The following SEPTIN2 variants were observed in gnomAD, a reference collection of about 807,000 sequenced individuals.
SEPTIN2 encodes septin 2.
Under a neutral mutation model 46.5 loss-of-function variants are expected in SEPTIN2, and 34 were observed. The observed-to-expected ratio is 0.73, with a 90% CI of 0.56 to 0.97. The LOEUF is 0.97. Ranked by LOEUF, SEPTIN2 falls within the 50% of genes least tolerant of loss-of-function variation. The probability of loss-of-function intolerance (pLI) is 0.00; values close to 1 mark genes in which losing one functional copy is unlikely to be tolerated. For missense variants in SEPTIN2, 347 were observed against 448.4 expected (o/e 0.77, Z 2.04); for synonymous variants, 175 against 153.4 (o/e 1.14, Z -1.04).
At chr2:241,316,621 A>T in intron 1 of SEPTIN2, 1 of 1,215,336 alleles carries the variant, frequency 8.2e-7, no homozygotes, top group South Asian at 1.6e-5. Context: ...GGGGATGAGG[A>T]GCAAACCTGT....
Position 241,337,487 on chromosome 2 carries a change from C to T in SEPTIN2, c.447C>T (p.Cys149=). Residue 149 remains cysteine (C), a synonymous_variant, in exon 6 of 13, where the codon TGC becomes TGT. Transcript: ENST00000391971. The stretch of plus-strand genomic sequence containing the variant: ...TCATTGATAATAGGGTGCATTGTTG[C>T]TTTTACTTTATTTCACCTTTTGGAC... ...RHIIDNRVHC[C]FYFISPFGHG... 1 of 1,613,872 alleles carries T rather than the reference C, an allele frequency of 6.2e-7. No homozygotes were observed. Among genetic ancestry groups the T allele is most frequent in the Non-Finnish European group, 8.5e-7 (1 of 1,179,960 alleles).
chr2:241,322,083 T>A (rs2077209069), intron 1 of SEPTIN2, among the ~76,000 whole-genome samples: 1 of 152,162 alleles, frequency 6.6e-6, no homozygotes, highest in African/African-American at 2.4e-5. Context: ...CCAAAGTAGC[T>A]GGGAACATTT....
At chr2:241,340,872 C>A (rs919517924) in intron 7 of SEPTIN2, among the ~76,000 whole-genome samples, 10 of 152,174 alleles carry the variant, frequency 6.6e-5, no homozygotes, top group African/African-American at 2.4e-4. Flanking sequence ...TAGCTTCTTG[C>A]CTTCACCAGC....
At position 241,353,445 on chromosome 2, in the gene SEPTIN2, T is replaced by G. The variant is rs1164729005; in HGVS notation, c.*1508T>G. 1.3e-5 allele frequency: 2 copies of G among 152,014 alleles called. No individual in the cohort carries two copies. The highest frequency in any genetic ancestry group is 4.8e-5 in the African/African-American group (2 of 41,344). 9.4% of individuals were successfully genotyped at this position (152,014 alleles called of 1,614,324 possible). On this transcript the variant is annotated 3_prime_UTR_variant, in exon 13 of 13. Coordinates refer to ENST00000391971, the MANE Select transcript of SEPTIN2 (RefSeq NM_004404.5). ...AGGGAGATGGAGAAAATGCTTAATC[T>G]GAGGATGAGACAGGGTTTTTTCATT...
At chr2:241,316,137 C>CG in intron 1 of SEPTIN2, 155 bp downstream of exon 1, 1 of 197,870 alleles carries the variant, frequency 5.1e-6, no homozygotes, top group Non-Finnish European at 1.0e-5. Context: ...CGAGCCCAGG[C>CG]TCTTCGGCAC....
In SEPTIN2 at chr2:241,352,353, G is replaced by A. The variant is rs1332382502; in HGVS notation, c.*416G>A. On this transcript the variant is annotated 3_prime_UTR_variant, in exon 13 of 13. Transcript: ENST00000391971. ...ACCATAATGTTCCTTAGTGGTAGAG[G>A]TGTGTGCCTAGTGATGTAGAAAGAT... The A allele has an allele frequency of 6.6e-6, 1 of 152,574 alleles. No individual in the cohort carries two copies. Among genetic ancestry groups the A allele is most frequent in the Admixed American group, 6.5e-5 (1 of 15,280 alleles). 9.5% of individuals were successfully genotyped at this position (152,574 alleles called of 1,614,324 possible). A position where few individuals can be genotyped will look rare whatever the true frequency, so the allele number is the denominator to read the frequency against.
At chr2:241,338,860 A>T (rs2080738202) in intron 7 of SEPTIN2, among the ~76,000 whole-genome samples, 1 of 90,232 alleles carries the variant, frequency 1.1e-5, no homozygotes, top group African/African-American at 5.3e-5. Flanking sequence ...ATATATATAA[A>T]AATATATATA....
At chr2:241,327,002 C>T (rs116733505) in intron 3 of SEPTIN2, among the ~76,000 whole-genome samples, 213 of 129,712 alleles carry the variant, frequency 1.6e-3, no homozygotes, top group African/African-American at 6.2e-3. Flanking sequence ...AAGCTGAGAT[C>T]ATGCCACTGC....
At chr2:241,317,732 T>C (rs1365357097) in intron 1 of SEPTIN2, 2 of 174,508 alleles carry the variant, frequency 1.1e-5, no homozygotes, top group East Asian at 3.8e-4. Context: ...CCAGATGCTT[T>C]GAATAAGATC....
intron 5 of SEPTIN2, 159 bp downstream of exon 5, chr2:241,336,257 GA>G: frequency 3.8e-6 from 3 of 780,040 alleles, no homozygotes; most frequent in Non-Finnish European, 5.9e-6. Context: ...TTTAAATAAG[GA>G]ATTTTATAGA....
At chr2:241,340,270 C>G (rs2150116012) in intron 7 of SEPTIN2, among the ~76,000 whole-genome samples, 1 of 152,220 alleles carries the variant, frequency 6.6e-6, no homozygotes, top group East Asian at 1.9e-4. Flanking sequence ...GGTGTTGATG[C>G]CGGTTGGTGT....
At position 241,335,022 on chromosome 2, in the gene SEPTIN2, T is replaced by A. The variant is rs1294112104; in HGVS notation, c.131-104T>A. Reference sequence around the variant, plus strand: ...TGTAGGTACTAAACACAGAATGATGTTTGTGAGGTACTTAGCCCAGTACCA... The same window carrying A: ...TGTAGGTACTAAACACAGAATGATGATTGTGAGGTACTTAGCCCAGTACCA... On this transcript the variant is annotated intron_variant, in intron 3 of 12. Coordinates refer to ENST00000391971, the MANE Select transcript of SEPTIN2 (RefSeq NM_004404.5). 5 of 707,928 alleles carry A rather than the reference T, an allele frequency of 7.1e-6. No homozygotes were observed. The East Asian group carries it at 1.3e-4, about 19-fold the overall frequency. 43.9% of individuals were successfully genotyped at this position (707,928 alleles called of 1,614,324 possible). A position where few individuals can be genotyped will look rare whatever the true frequency, so the allele number is the denominator to read the frequency against.
At chr2:241,328,018 G>A (rs555332800) in intron 3 of SEPTIN2, among the ~76,000 whole-genome samples, 82 of 152,172 alleles carry the variant, frequency 5.4e-4, no homozygotes, top group African/African-American at 1.8e-3. Flanking sequence ...GTGCCACTGC[G>A]CTCCAGTCTG....
At chr2:241,335,687 T>C in intron 4 of SEPTIN2, 1 of 565,604 alleles carries the variant, frequency 1.8e-6, no homozygotes, top group Non-Finnish European at 3.1e-6. Context: ...CAGAATATTT[T>C]TGAATTCAGT....
At chr2:241,350,258 G>A in intron 12 of SEPTIN2, 55 bp downstream of exon 12, 2 of 942,790 alleles carry the variant, frequency 2.1e-6, no homozygotes, top group East Asian at 2.9e-5. Context: ...CATTGTGTCA[G>A]CTTAAATATG....
intron 5 of SEPTIN2, 67 bp downstream of exon 5, chr2:241,336,165 T>A (rs191979337): frequency 3.2e-5 from 47 of 1,449,434 alleles, no homozygotes; most frequent in Non-Finnish European, 3.0e-5. Context: ...TTATAGATAG[T>A]GTTAATGAGT....
At chr2:241,318,931 C>T (rs2076756427) in intron 1 of SEPTIN2, among the ~76,000 whole-genome samples, 1 of 152,020 alleles carries the variant, frequency 6.6e-6, no homozygotes, top group Admixed American at 6.6e-5. Flanking sequence ...CTTTTGACCT[C>T]GTGATATGCC....
intron 7 of SEPTIN2, among the ~76,000 whole-genome samples, chr2:241,338,740 A>G (rs1321275864): frequency 2.6e-5 from 2 of 75,962 alleles, no homozygotes; most frequent in Non-Finnish European, 5.5e-5. Context: ...ATATTATATT[A>G]TTTATATGTA....
At chr2:241,333,798 C>T (rs574281667) in intron 3 of SEPTIN2, among the ~76,000 whole-genome samples, 10 of 152,320 alleles carry the variant, frequency 6.6e-5, no homozygotes, top group African/African-American at 9.6e-5. Context: ...CCACCGCGCC[C>T]GGCTGTGCGT....
Sources: allele counts gnomAD v4.1 joint callset (sites outside exome capture counted in the v4.1 genomes callset), GRCh38; gene constraint gnomAD v4.1.1; transcripts MANE v1.5; gene names NCBI Gene and HGNC (gene_info 2026-07-23, HGNC 2026-07-21).